PDE9A: variants seen among roughly 807,000 people sequenced by gnomAD.
PDE9A encodes the protein phosphodiesterase 9A, also known as high affinity cGMP-specific 3',5'-cyclic phosphodiesterase 9A.
Under a neutral mutation model 87.4 loss-of-function variants are expected in PDE9A, and 60 were observed. The observed-to-expected ratio is 0.69, with a 90% CI of 0.56 to 0.85. The LOEUF is 0.85. PDE9A is among the 40% of genes least tolerant of loss of function. The pLI, the probability that PDE9A is intolerant of heterozygous loss-of-function variation, is 0.00. For missense variants in PDE9A, 665 were observed against 779.0 expected, an observed-to-expected ratio of 0.85 and a Z score of 1.74; for synonymous variants, 272 against 279.4, an observed-to-expected ratio of 0.97 and a Z score of 0.27.
chr21:42,674,313 A>ATTT (rs1383235765), intron 1 of PDE9A, among the ~76,000 whole-genome samples: 3 of 92,254 alleles, frequency 3.3e-5, no homozygotes, highest in African/African-American at 5.9e-5. Context: ...GGCTTTAGAC[A>ATTT]TTCTTTTTTT....
rs961403734 is a variant in PDE9A at position 42,660,878 on chromosome 21, C to A, written c.69+6995C>A. Among the ~76,000 whole-genome samples the A allele has an allele frequency of 6.6e-6, 1 of 152,114 alleles. No individual in the cohort carries two copies. Among genetic ancestry groups the A allele is most frequent in the East Asian group, 1.9e-4 (1 of 5,194 alleles). On this transcript the variant is annotated intron_variant, in intron 1 of 19. Coordinates refer to ENST00000291539, the MANE Select transcript of PDE9A (RefSeq NM_002606.3). The surrounding 1 kb of genome is among the most constrained non-coding windows in gnomAD (Gnocchi z 4.7). ...CCATCCCTGACTGCCTGTCTCCCCC[C>A]TCACCCTGACCACATCTCCCCAAAT... is the stretch of plus-strand genomic sequence containing the variant.
Position 42,762,245 on chromosome 21 carries a change from T to C in PDE9A, c.1242+6T>C, listed in dbSNP as rs375237934. 84 of 1,613,146 alleles carry C rather than the reference T, an allele frequency of 5.2e-5. No homozygotes were observed. Among genetic ancestry groups the C allele is most frequent in the Non-Finnish European group, 6.4e-5 (76 of 1,179,504 alleles). On this transcript the variant is annotated splice_donor_region_variant and intron_variant, in intron 14 of 19. Coordinates refer to ENST00000291539, the MANE Select transcript of PDE9A (RefSeq NM_002606.3). ...GGTTCAAGCAGATCCGACAGGTGTGTGGGGTGAGGGCCCTCCCACCGGAGT... is the reference window on the plus strand; with the variant it reads ...GGTTCAAGCAGATCCGACAGGTGTGCGGGGTGAGGGCCCTCCCACCGGAGT...
In PDE9A at chr21:42,686,276, G is replaced by A; in HGVS notation, c.140+14G>A. 6.2e-7 allele frequency: 1 copy of A among 1,609,552 alleles called. No individual in the cohort carries two copies. The highest frequency in any genetic ancestry group is 8.5e-7 in the Non-Finnish European group (1 of 1,176,080). ...CGGCCTGCCTCGGTGAGTGCGCGCTGCGGGCTCTGCCCGGTGACGCCACGC... is the reference window on the plus strand; with the variant it reads ...CGGCCTGCCTCGGTGAGTGCGCGCTACGGGCTCTGCCCGGTGACGCCACGC... On this transcript the variant is annotated intron_variant, in intron 2 of 19. Transcript: ENST00000291539.
chr21:42,704,795 C>A lies in PDE9A; in HGVS notation c.262+5784C>A, dbSNP rs1440487868. On this transcript the variant is annotated intron_variant, in intron 4 of 19. Transcript: ENST00000291539. The surrounding 1 kb of genome is among the most constrained non-coding windows in gnomAD (Gnocchi z 5.3). ...GTGCAGGGAGGCCAACGCCACACAG[C>A]CCCACACCCAGCCTTTCCCAAGGCC... Among the ~76,000 whole-genome samples, 1 of 152,250 alleles carries A rather than the reference C, an allele frequency of 6.6e-6. No individual in the cohort carries two copies. Among genetic ancestry groups the A allele is most frequent in the East Asian group, 1.9e-4 (1 of 5,198 alleles).
intron 1 of PDE9A, among the ~76,000 whole-genome samples, chr21:42,667,468 C>T (rs2058085640): frequency 6.6e-6 from 1 of 152,088 alleles, no homozygotes; most frequent in African/African-American, 2.4e-5. Flanking sequence ...AATAGAAACA[C>T]ACCCCTCCCT....
At chr21:42,756,604 C>A (rs2055077563) in intron 10 of PDE9A, among the ~76,000 whole-genome samples, 1 of 151,978 alleles carries the variant, frequency 6.6e-6, no homozygotes, top group Non-Finnish European at 1.5e-5. Flanking sequence ...CTCCGAGGGC[C>A]CAGGGCTGTG....
At chr21:42,683,918 C>T (rs982830677) in intron 1 of PDE9A, among the ~76,000 whole-genome samples, 6 of 152,100 alleles carry the variant, frequency 3.9e-5, no homozygotes, top group African/African-American at 7.2e-5. Flanking sequence ...CGGGGTGGGG[C>T]GAGGACTTTA....
At chr21:42,731,457 C>A (rs142283306) in intron 4 of PDE9A, among the ~76,000 whole-genome samples, 1 of 152,226 alleles carries the variant, frequency 6.6e-6, no homozygotes, top group East Asian at 1.9e-4. Flanking sequence ...TGTGAGCATC[C>A]ACACCTTCCT....
At chr21:42,749,725 T>C (rs2054225506) in intron 8 of PDE9A, among the ~76,000 whole-genome samples, 1 of 152,260 alleles carries the variant, frequency 6.6e-6, no homozygotes. Context: ...GGCCACACCC[T>C]GGAGAAACTT....
At chr21:42,655,667 T>C (rs1247062616) in intron 1 of PDE9A, among the ~76,000 whole-genome samples, 1 of 152,162 alleles carries the variant, frequency 6.6e-6, no homozygotes, top group Non-Finnish European at 1.5e-5. Flanking sequence ...AAAATCTGCT[T>C]TATAGACTGG....
chr21:42,755,195 C>T (rs923068989), intron 10 of PDE9A, among the ~76,000 whole-genome samples: 12 of 152,264 alleles, frequency 7.9e-5, no homozygotes, highest in African/African-American at 2.9e-4. Context: ...GCAAGCTCAC[C>T]TGTGCTCTTT....
At chr21:42,764,709 G>T (rs2056192798) in intron 14 of PDE9A, among the ~76,000 whole-genome samples, 1 of 152,194 alleles carries the variant, frequency 6.6e-6, no homozygotes, top group Non-Finnish European at 1.5e-5. Flanking sequence ...AAAATTAGTT[G>T]TCCCACTTTT....
intron 17 of PDE9A, among the ~76,000 whole-genome samples, chr21:42,770,175 C>A (rs1051034537): frequency 6.6e-6 from 1 of 152,128 alleles, no homozygotes; most frequent in South Asian, 2.1e-4. Flanking sequence ...CCAGCTCCCC[C>A]CAGGGCCTCT....
chr21:42,664,039 G>A (rs927191418), intron 1 of PDE9A, among the ~76,000 whole-genome samples: 6 of 152,252 alleles, frequency 3.9e-5, no homozygotes, highest in Non-Finnish European at 7.3e-5. Flanking sequence ...GCCCCCAGAG[G>A]ACGGCCCGGG....
chr21:42,657,967 C>T (rs1287023162), intron 1 of PDE9A, among the ~76,000 whole-genome samples: 1 of 152,256 alleles, frequency 6.6e-6, no homozygotes, highest in Non-Finnish European at 1.5e-5. Flanking sequence ...ATGCGCACAG[C>T]CCAAAGGGAG....
At chr21:42,726,624 A>ATATATATATATATTTTTTTTT in intron 4 of PDE9A, among the ~76,000 whole-genome samples, 4 of 19,776 alleles carry the variant, frequency 2.0e-4, no homozygotes, top group African/African-American at 3.4e-4. Flanking sequence ...ATATATATAT[A>ATATATATATATATTTTTTTTT]TTTTTTTTTT....
At chr21:42,669,327 C>A (rs1206479254) in intron 1 of PDE9A, among the ~76,000 whole-genome samples, 1 of 152,108 alleles carries the variant, frequency 6.6e-6, no homozygotes, top group Non-Finnish European at 1.5e-5. Flanking sequence ...CGCATCACAC[C>A]ACCTTTCTGT....
Position 42,675,489 on chromosome 21 carries a change from T to C in PDE9A, c.70-10703T>C, listed in dbSNP as rs1021570882. 6.6e-6 allele frequency among the ~76,000 whole-genome samples: 1 copy of C among 152,232 alleles called. No homozygotes were observed. The highest frequency in any genetic ancestry group is 1.5e-5 in the Non-Finnish European group (1 of 68,044). ...CACTTAATAAATGCTCTTATTAGTA[T>C]GTTTATCTTCATTATGTCCCTAAGA... On this transcript the variant is annotated intron_variant, in intron 1 of 19. Transcript: ENST00000291539. This position sits in a 1 kb window ranked among gnomAD's most constrained non-coding sequence, Gnocchi z 4.3.
At chr21:42,736,593 G>A (rs539159598) in intron 7 of PDE9A, among the ~76,000 whole-genome samples, 2 of 152,322 alleles carry the variant, frequency 1.3e-5, no homozygotes, top group East Asian at 3.9e-4. Context: ...TAGTTGTACT[G>A]ATTTCTAGCA....
Sources: allele counts gnomAD v4.1 joint callset (sites outside exome capture counted in the v4.1 genomes callset), GRCh38; gene constraint gnomAD v4.1.1; non-coding constraint Gnocchi (gnomAD v3.1); transcripts MANE v1.5; gene names NCBI Gene and HGNC (gene_info 2026-07-23, HGNC 2026-07-21).